The following DGKB variants were observed in gnomAD, a reference collection of about 807,000 sequenced individuals.
The protein encoded by DGKB is 90 kDa diacylglycerol kinase.
Under a neutral mutation model 114.3 loss-of-function variants are expected in DGKB, and 67 were observed. The ratio of observed to expected loss-of-function variants is 0.59; its 90% CI spans 0.48 to 0.72. DGKB has a LOEUF of 0.72. Ranked by LOEUF, DGKB falls within the 30% of genes least tolerant of loss-of-function variation. The pLI is 0.00. For missense variants in DGKB, 907 were observed against 975.2 expected, an observed-to-expected ratio of 0.93 and a Z score of 0.93; for synonymous variants, 398 against 323.1, an observed-to-expected ratio of 1.23 and a Z score of -2.49.
intron 2 of DGKB, among the ~76,000 whole-genome samples, chr7:14,823,477 T>A (rs979235123): frequency 1.3e-5 from 2 of 152,054 alleles, no homozygotes; most frequent in African/African-American, 4.8e-5. Context: ...AATTTCAGAT[T>A]TTTTTTGCTA....
At chr7:14,411,523 A>G (rs1483322255) in intron 21 of DGKB, among the ~76,000 whole-genome samples, 1 of 152,214 alleles carries the variant, frequency 6.6e-6, no homozygotes, top group East Asian at 1.9e-4. Context: ...TCTTATGGTA[A>G]TCAGAGTTCT....
intron 21 of DGKB, among the ~76,000 whole-genome samples, chr7:14,382,019 A>G (rs1474869235): frequency 1.3e-5 from 2 of 152,220 alleles, no homozygotes; most frequent in Non-Finnish European, 2.9e-5. Context: ...TATGCATTTG[A>G]CATGAATTCA....
In DGKB at chr7:14,587,007, T is replaced by C. The variant is rs571251668; in HGVS notation, c.1434-3870A>G. On this transcript the variant is annotated intron_variant, in intron 17 of 25. Coordinates refer to ENST00000402815, the MANE Select transcript of DGKB (RefSeq NM_001350709.2). ...CTGCAGCTCGTCGATCAAGGAGTAA[T>C]TCAACTTTCAAGTCTTATTTAAAAA... 5.3e-5 allele frequency among the ~76,000 whole-genome samples: 8 copies of C among 152,238 alleles called. No homozygotes were observed. In the East Asian group the frequency reaches 1.5e-3, roughly 29 times the overall value.
intron 1 of DGKB, among the ~76,000 whole-genome samples, chr7:14,863,381 A>G (rs1282128862): frequency 6.6e-6 from 1 of 151,350 alleles, no homozygotes; most frequent in Non-Finnish European, 1.5e-5. Context: ...ATGGTCAAGA[A>G]GGTAATAATA....
intron 15 of DGKB, among the ~76,000 whole-genome samples, chr7:14,616,836 A>G (rs991947959): frequency 2.0e-5 from 3 of 151,748 alleles, no homozygotes; most frequent in Non-Finnish European, 3.0e-5. Context: ...ACACACAAAA[A>G]TACTGATGAA....
intron 23 of DGKB, among the ~76,000 whole-genome samples, chr7:14,284,952 G>T (rs1303077289): frequency 1.3e-5 from 2 of 151,550 alleles, no homozygotes; most frequent in African/African-American, 2.4e-5. Flanking sequence ...CATGGCACAT[G>T]TATATGTATG....
At chr7:14,567,426 T>G (rs867041183) in intron 20 of DGKB, among the ~76,000 whole-genome samples, 979 of 48,562 alleles carry the variant, frequency 0.02, 52 homozygotes, top group African/African-American at 0.046. Context: ...ATTTATATAT[T>G]ATATATATAA....
intron 25 of DGKB, among the ~76,000 whole-genome samples, chr7:14,168,842 T>G (rs1780366217): frequency 6.6e-6 from 1 of 152,186 alleles, no homozygotes; most frequent in Admixed American, 6.5e-5. Flanking sequence ...TTAAAAAGGC[T>G]TCATGAGGAA....
chr7:14,273,027 C>CTAT (rs1798489705), intron 23 of DGKB, among the ~76,000 whole-genome samples: 1 of 152,106 alleles, frequency 6.6e-6, no homozygotes, highest in Non-Finnish European at 1.5e-5. Context: ...GTTTGTTACA[C>CTAT]TATTAGTTCT....
chr7:14,287,549 G>A (rs115254072), intron 23 of DGKB, among the ~76,000 whole-genome samples: 1,950 of 152,148 alleles, frequency 0.013, 45 homozygotes, highest in African/African-American at 0.044. Flanking sequence ...TATTTCTACC[G>A]CACGGTCTAC....
chr7:14,513,136 A>T (rs559281423), intron 20 of DGKB, among the ~76,000 whole-genome samples: 1 of 152,248 alleles, frequency 6.6e-6, no homozygotes, highest in Non-Finnish European at 1.5e-5. Flanking sequence ...AATGACATCC[A>T]TTATAAAAGT....
At chr7:14,424,536 C>A (rs1200761676) in intron 21 of DGKB, among the ~76,000 whole-genome samples, 1 of 152,002 alleles carries the variant, frequency 6.6e-6, no homozygotes, top group Non-Finnish European at 1.5e-5. Flanking sequence ...ATATTCTAGG[C>A]ATTCTGCTAA....
At chr7:14,708,584 C>A (rs1390188948) in intron 6 of DGKB, among the ~76,000 whole-genome samples, 3 of 151,196 alleles carry the variant, frequency 2.0e-5, no homozygotes, top group East Asian at 1.9e-4. Flanking sequence ...GCTACAGTAA[C>A]CAAAACAGCA....
intron 23 of DGKB, among the ~76,000 whole-genome samples, chr7:14,299,161 A>T (rs1217252858): frequency 6.6e-6 from 1 of 152,132 alleles, no homozygotes; most frequent in African/African-American, 2.4e-5. Context: ...TCATAACTCT[A>T]TTCCAAATCT....
intron 9 of DGKB, among the ~76,000 whole-genome samples, chr7:14,686,514 A>G (rs547560024): frequency 6.6e-6 from 1 of 152,286 alleles, no homozygotes; most frequent in East Asian, 1.9e-4. Flanking sequence ...ACATTCACCT[A>G]ATAATTTCTG....
intron 23 of DGKB, among the ~76,000 whole-genome samples, chr7:14,232,217 G>T (rs1032595502): frequency 1.3e-5 from 2 of 151,788 alleles, no homozygotes; most frequent in Non-Finnish European, 2.9e-5. Context: ...ACGCTCCCTA[G>T]AATCCATCTG....
At chr7:14,924,384 T>G (rs926910953) in intron 1 of DGKB, among the ~76,000 whole-genome samples, 6 of 152,300 alleles carry the variant, frequency 3.9e-5, no homozygotes, top group African/African-American at 1.4e-4. Context: ...CTCTTTTTAG[T>G]TTATGGAGTT....
chr7:14,169,959 A>G (rs1474797142), intron 25 of DGKB, among the ~76,000 whole-genome samples: 1 of 151,704 alleles, frequency 6.6e-6, no homozygotes, highest in Admixed American at 6.6e-5. Flanking sequence ...ACATGGAGAA[A>G]CCCCATCTCT....
intron 13 of DGKB, among the ~76,000 whole-genome samples, chr7:14,647,802 C>T (rs530676280): frequency 1.5e-4 from 23 of 152,288 alleles, no homozygotes; most frequent in South Asian, 1.5e-3. Context: ...ATGCGCGAGC[C>T]GAAGCAGGGC....
Sources: gnomAD v4.1 joint callset for allele counts (sites outside exome capture counted in the v4.1 genomes callset) on GRCh38, gnomAD v4.1.1 for gene constraint, MANE v1.5 for transcripts, NCBI Gene and HGNC (gene_info 2026-07-23, HGNC 2026-07-21) for gene names.